Variants in MYO16 observed in about 807,000 individuals in gnomAD.
MYO16 encodes the protein myosin XVI.
Under a neutral mutation model 205.3 loss-of-function variants are expected in MYO16, and 94 were observed. That is an observed-to-expected ratio of 0.46 (90% confidence interval 0.39 to 0.54). The LOEUF is 0.54. MYO16 is among the 20% of genes least tolerant of loss of function. MYO16 has a pLI of 0.00. For synonymous variants in MYO16, 988 were observed against 954.0 expected (o/e 1.04, Z -0.66); for missense variants, 2,315 against 2,387.5 (o/e 0.97, Z 0.63).
intron 4 of MYO16, among the ~76,000 whole-genome samples, chr13:108,771,215 A>C (rs181098874): frequency 3.3e-3 from 507 of 152,274 alleles, no homozygotes; most frequent in African/African-American, 0.011. Context: ...GGTAGTCCTC[A>C]CTTTTTTCTA....
At chr13:108,905,453 G>C (rs1383290690) in intron 15 of MYO16, among the ~76,000 whole-genome samples, 1 of 152,134 alleles carries the variant, frequency 6.6e-6, no homozygotes, top group East Asian at 1.9e-4. Context: ...ATTTGGCTGA[G>C]GGGGATTGTG....
intron 19 of MYO16, among the ~76,000 whole-genome samples, chr13:108,963,058 GCTGT>G (rs1883647958): frequency 6.6e-6 from 1 of 152,178 alleles, no homozygotes; most frequent in Non-Finnish European, 1.5e-5. Context: ...AGAATCTAGC[GCTGT>G]CTGACTCCCA....
At chr13:108,567,923 C>A in the MYO16 span, among the ~76,000 whole-genome samples, 5 of 152,070 alleles carry the variant, frequency 3.3e-5, no homozygotes, top group Non-Finnish European at 7.4e-5. Flanking sequence ...GATTTCCTCA[C>A]CTATACTGAA....
chr13:108,960,311 G>C (rs1479955860), intron 17 of MYO16, among the ~76,000 whole-genome samples: 1 of 149,692 alleles, frequency 6.7e-6, no homozygotes. Flanking sequence ...AAGTTGACAA[G>C]TAGTTAAGAA....
At chr13:109,183,290 A>G in intron 34 of MYO16, among the ~76,000 whole-genome samples, 1 of 152,160 alleles carries the variant, frequency 6.6e-6, no homozygotes, top group East Asian at 1.9e-4. Flanking sequence ...CATGATGGCA[A>G]TCCTCTGCCG....
chr13:108,506,896 A>G, the MYO16 span, among the ~76,000 whole-genome samples: 3 of 152,082 alleles, frequency 2.0e-5, no homozygotes, highest in African/African-American at 7.2e-5. Flanking sequence ...TTACCATGAA[A>G]ATATGTTGAA....
In MYO16 at chr13:109,010,957, T is replaced by TTATATATATATATATA. The variant is rs67321937; in HGVS notation, c.2595+1912_2595+1927dup. ...TCTATTATATATATTACATATAATA[T>TTATATATATATATATA]TATATATATATATATATATTTCTTC... On this transcript the variant is annotated intron_variant, in intron 22 of 34. Transcript: ENST00000457511. Among the ~76,000 whole-genome samples the TTATATATATATATATA allele has an allele frequency of 4.4e-3, 518 of 118,544 alleles. 35 individuals carry two copies. Among genetic ancestry groups the TTATATATATATATATA allele is most frequent in the Admixed American group, 6.3e-3 (74 of 11,732 alleles). 77.8% of individuals were successfully genotyped at this position (118,544 alleles called of 152,430 possible).
chr13:108,849,008 A>C (rs917808292), intron 10 of MYO16, among the ~76,000 whole-genome samples: 10 of 151,998 alleles, frequency 6.6e-5, no homozygotes, highest in African/African-American at 1.9e-4. Context: ...GGCCTGGTAG[A>C]CTTCACTATT....
intron 32 of MYO16, among the ~76,000 whole-genome samples, chr13:109,148,190 A>G (rs572493527): frequency 5.0e-4 from 76 of 152,280 alleles, no homozygotes; most frequent in African/African-American, 1.8e-3. Flanking sequence ...TGTATCAGTA[A>G]CCAAATTTAT....
At chr13:109,038,703 G>A (rs1408719152) in intron 23 of MYO16, among the ~76,000 whole-genome samples, 2 of 151,588 alleles carry the variant, frequency 1.3e-5, no homozygotes, top group East Asian at 1.9e-4. Context: ...GAAAACATTC[G>A]GGCTGTCTTA....
At chr13:109,048,658 A>G (rs1207905520) in intron 24 of MYO16, 1 of 270,916 alleles carries the variant, frequency 3.7e-6, no homozygotes, top group Admixed American at 5.2e-5. Flanking sequence ...ATCATGTTTT[A>G]TGAATCTGTG....
At chr13:108,896,145 G>T (rs1278385556) in intron 14 of MYO16, among the ~76,000 whole-genome samples, 1 of 152,000 alleles carries the variant, frequency 6.6e-6, no homozygotes, top group African/African-American at 2.4e-5. Flanking sequence ...CTTTTTCCAA[G>T]AATAATCAAA....
At chr13:108,807,376 A>G (rs1294887053) in intron 7 of MYO16, among the ~76,000 whole-genome samples, 1 of 151,978 alleles carries the variant, frequency 6.6e-6, no homozygotes. Flanking sequence ...CGTATTTTAG[A>G]AAAAAAATCA....
At chr13:109,041,861 CTTTT>C (rs3042905) in intron 23 of MYO16, among the ~76,000 whole-genome samples, 2 of 144,006 alleles carry the variant, frequency 1.4e-5, no homozygotes, top group Non-Finnish European at 1.5e-5. Flanking sequence ...TTCAAATTGC[CTTTT>C]TTTTTTTTTT....
chr13:108,820,776 C>T (rs1297644036), intron 8 of MYO16, among the ~76,000 whole-genome samples: 1 of 152,098 alleles, frequency 6.6e-6, no homozygotes, highest in Non-Finnish European at 1.5e-5. Context: ...ACATGCTTAT[C>T]CGTTAAGGTA....
At chr13:109,007,374 C>T (rs113928592) in intron 21 of MYO16, among the ~76,000 whole-genome samples, 6,801 of 148,120 alleles carry the variant, frequency 0.046, 239 homozygotes, top group Non-Finnish European at 0.068. Flanking sequence ...GGCGACAGGG[C>T]GAGACTCCGT....
At chr13:108,881,805 C>A (rs943645779) in intron 12 of MYO16, among the ~76,000 whole-genome samples, 3 of 152,000 alleles carry the variant, frequency 2.0e-5, no homozygotes, top group African/African-American at 7.2e-5. Context: ...GTGAAAAGAC[C>A]AAATCTATGT....
intron 18 of MYO16, among the ~76,000 whole-genome samples, chr13:108,961,867 T>C (rs1216420150): frequency 6.6e-6 from 1 of 152,230 alleles, no homozygotes; most frequent in Non-Finnish European, 1.5e-5. Context: ...GTTCTCATTC[T>C]GTGCACCACA....
At chr13:108,855,169 T>A (rs1449124557) in intron 10 of MYO16, 1 of 304,518 alleles carries the variant, frequency 3.3e-6, no homozygotes, top group Admixed American at 4.5e-5. Flanking sequence ...GCTGAACTCA[T>A]CTTGACAGAC....
Sources: allele counts gnomAD v4.1 joint callset (sites outside exome capture counted in the v4.1 genomes callset), GRCh38; gene constraint gnomAD v4.1.1; transcripts MANE v1.5; gene names NCBI Gene and HGNC (gene_info 2026-07-23, HGNC 2026-07-21).